Variants in SDK1 observed in about 807,000 individuals in gnomAD.
SDK1 encodes the protein sidekick cell adhesion molecule 1, also known as protein sidekick-1.
Under a neutral mutation model 245.5 loss-of-function variants are expected in SDK1, and 157 were observed. The observed-to-expected ratio is 0.64, with a 90% CI of 0.56 to 0.73. The LOEUF (loss-of-function observed/expected upper bound fraction) is 0.73. SDK1 is among the 30% of genes least tolerant of loss of function. The pLI is 0.00. For synonymous variants in SDK1, 1,647 were observed against 1,278.5 expected (o/e 1.29, Z -6.15); for missense variants, 3,583 against 3,002.3 (o/e 1.19, Z -4.52).
chr7:3,779,864 G>A lies in SDK1; in HGVS notation c.714-41586G>A, dbSNP rs550762815. ...GGAGAATGGCGTGAACCCGGGAAGC[G>A]GAGCTTGCAGTGAGCCGAGATTGCA... On this transcript the variant is annotated intron_variant, in intron 4 of 44. Transcript: ENST00000404826. 6.7e-4 allele frequency among the ~76,000 whole-genome samples: 102 copies of A among 151,468 alleles called. 1 individual carries two copies. The highest frequency in any genetic ancestry group is 1.4e-3 in the African/African-American group (59 of 41,260).
At chr7:4,011,189 T>G (rs1785931340) in intron 15 of SDK1, 76 bp downstream of exon 15, 2 of 1,534,300 alleles carry the variant, frequency 1.3e-6, no homozygotes, top group Non-Finnish European at 1.8e-6. Context: ...TCACATTATG[T>G]GGTGGAATTG....
intron 4 of SDK1, among the ~76,000 whole-genome samples, chr7:3,749,078 G>C (rs1426016679): frequency 6.6e-6 from 1 of 152,148 alleles, no homozygotes; most frequent in African/African-American, 2.4e-5. Flanking sequence ...TTTGCCTTCA[G>C]AATTTAATCA....
intron 22 of SDK1, among the ~76,000 whole-genome samples, chr7:4,104,351 G>T (rs571236763): frequency 2.6e-5 from 4 of 152,290 alleles, no homozygotes; most frequent in African/African-American, 9.6e-5. Flanking sequence ...GTGAGCCACT[G>T]AACCTGGCCT....
chr7:4,088,704 A>C (rs1781586119), intron 22 of SDK1, among the ~76,000 whole-genome samples: 1 of 152,192 alleles, frequency 6.6e-6, no homozygotes, highest in African/African-American at 2.4e-5. Context: ...CCTGAGACAG[A>C]AGCAATTTGG....
chr7:3,715,873 A>G (rs993877518), intron 4 of SDK1, among the ~76,000 whole-genome samples: 34 of 152,238 alleles, frequency 2.2e-4, no homozygotes, highest in African/African-American at 8.0e-4. Flanking sequence ...CAGCCATCAT[A>G]AAAGGGCGTC....
At chr7:3,341,879 TC>T (rs1482964207) in intron 1 of SDK1, among the ~76,000 whole-genome samples, 1 of 152,184 alleles carries the variant, frequency 6.6e-6, no homozygotes, top group Non-Finnish European at 1.5e-5. Flanking sequence ...TTTATGCAGT[TC>T]CTATATAAAA....
At chr7:3,472,215 C>T (rs1781205738) in intron 1 of SDK1, among the ~76,000 whole-genome samples, 1 of 152,000 alleles carries the variant, frequency 6.6e-6, no homozygotes, top group Non-Finnish European at 1.5e-5. Flanking sequence ...TTTTAGATGT[C>T]CATAGAATTC....
chr7:4,110,451 A>C (rs904072490), intron 22 of SDK1, among the ~76,000 whole-genome samples: 3 of 152,046 alleles, frequency 2.0e-5, no homozygotes, highest in Admixed American at 6.5e-5. Flanking sequence ...TGAGCTTTTG[A>C]CTAAAACTCA....
At chr7:3,776,268 A>T (rs1348278039) in intron 4 of SDK1, among the ~76,000 whole-genome samples, 1 of 152,232 alleles carries the variant, frequency 6.6e-6, no homozygotes, top group Admixed American at 6.5e-5. Context: ...GCAAAGGACA[A>T]TCATAGATGT....
At chr7:4,187,819 G>T (rs752653847) in intron 35 of SDK1, among the ~76,000 whole-genome samples, 1 of 152,184 alleles carries the variant, frequency 6.6e-6, no homozygotes, top group Non-Finnish European at 1.5e-5. Flanking sequence ...AGAGTATGTT[G>T]TTGCCTTCTT....
At chr7:4,066,677 C>T (rs965755314) in intron 19 of SDK1, among the ~76,000 whole-genome samples, 7 of 152,172 alleles carry the variant, frequency 4.6e-5, no homozygotes, top group South Asian at 2.1e-4. Flanking sequence ...CTGATGGGAC[C>T]GATGGGACCT....
At chr7:3,936,732 A>G (rs1424708146) in intron 5 of SDK1, among the ~76,000 whole-genome samples, 3 of 152,234 alleles carry the variant, frequency 2.0e-5, no homozygotes, top group African/African-American at 4.8e-5. Context: ...GGAAAAAAAG[A>G]AGTATACCAA....
At chr7:3,572,545 A>G (rs1282733705) in intron 1 of SDK1, among the ~76,000 whole-genome samples, 3 of 152,048 alleles carry the variant, frequency 2.0e-5, no homozygotes, top group Non-Finnish European at 4.4e-5. Flanking sequence ...AGTGAGCCCA[A>G]CATAAGAGTG....
intron 1 of SDK1, among the ~76,000 whole-genome samples, chr7:3,418,439 A>G (rs1779440743): frequency 6.6e-6 from 1 of 152,190 alleles, no homozygotes; most frequent in African/African-American, 2.4e-5. Flanking sequence ...TGTGCTCCAG[A>G]AAGAGCAAAG....
At chr7:4,141,843 G>A (rs1223705576) in intron 28 of SDK1, among the ~76,000 whole-genome samples, 1 of 152,096 alleles carries the variant, frequency 6.6e-6, no homozygotes, top group Non-Finnish European at 1.5e-5. Context: ...TGCAACCTCC[G>A]CCTCCCGGGT....
intron 44 of SDK1, among the ~76,000 whole-genome samples, chr7:4,253,775 A>G (rs886477226): frequency 3.3e-5 from 5 of 152,158 alleles, no homozygotes; most frequent in Non-Finnish European, 7.4e-5. Flanking sequence ...CTATTCATTT[A>G]ATTTCATGTA....
At position 4,017,335 on chromosome 7, in the gene SDK1, A is replaced by C. The variant is rs1283978915; in HGVS notation, c.2585A>C (p.Glu862Ala). ...GLGVFSRAVT[E>A]YTLQGVPTAP... ...GGCGTCTTCAGCAGGGCAGTGACCG[A>C]GTACACCTTGCAGGGAGGTAAGCTT... The change falls in exon 17 of 45, where the codon GAG becomes GCG. Residue 862 changes from glutamate (E) to alanine (A), a missense_variant. Physicochemically the swap from Glu to Ala is moderately radical, Grantham distance 107. Transcript: ENST00000404826. 1 of 1,611,616 alleles carries C rather than the reference A, an allele frequency of 6.2e-7. No individual in the cohort carries two copies. The highest frequency in any genetic ancestry group is 1.3e-5 in the African/African-American group (1 of 74,820).
chr7:3,428,043 T>C (rs772027645), intron 1 of SDK1, among the ~76,000 whole-genome samples: 15 of 152,244 alleles, frequency 9.9e-5, no homozygotes, highest in Non-Finnish European at 2.1e-4. Context: ...CCTCTTTGGA[T>C]TACCCATTTT....
intron 1 of SDK1, among the ~76,000 whole-genome samples, chr7:3,407,570 T>C (rs1779086542): frequency 6.6e-6 from 1 of 152,210 alleles, no homozygotes; most frequent in Non-Finnish European, 1.5e-5. Flanking sequence ...AAGGGTGTGA[T>C]ACTGGGCAGC....
Sources: allele counts gnomAD v4.1 joint callset (sites outside exome capture counted in the v4.1 genomes callset), GRCh38; gene constraint gnomAD v4.1.1; transcripts MANE v1.5; gene names NCBI Gene and HGNC (gene_info 2026-07-23, HGNC 2026-07-21).